The following IDO2 variants were observed in gnomAD, a reference collection of about 807,000 sequenced individuals.
IDO2 encodes indoleamine 2,3-dioxygenase-like 1 protein.
A neutral mutation model predicts 45.1 loss-of-function variants in IDO2; 46 were observed. The ratio of observed to expected loss-of-function variants is 1.02; its 90% CI spans 0.80 to 1.30. The LOEUF is 1.30. Ranked by LOEUF, IDO2 falls within the 50% of genes most tolerant of loss-of-function variation. The pLI is 0.00. For synonymous variants in IDO2, 218 were observed against 184.9 expected (o/e 1.18, Z -1.45); for missense variants, 544 against 491.8 (o/e 1.11, Z -1.00).
chr8:39,985,729 G>T (rs1808412860), intron 6 of IDO2: 6 of 521,084 alleles, frequency 1.2e-5, no homozygotes, highest in Non-Finnish European at 1.4e-5. Context: ...ATAGATAAGG[G>T]ATTTTTTTTT....
chr8:40,011,396 G>A (rs928203183), intron 9 of IDO2, among the ~76,000 whole-genome samples: 9 of 152,128 alleles, frequency 5.9e-5, no homozygotes, highest in South Asian at 2.1e-4. Context: ...AGAAAGACCC[G>A]AACATGTGTG....
At position 39,966,456 on chromosome 8, in the gene IDO2, G is replaced by A. The variant is rs576101954; in HGVS notation, c.195+2753G>A. Among the ~76,000 whole-genome samples, 4 of 152,336 alleles carry A rather than the reference G, an allele frequency of 2.6e-5. No homozygotes were observed. In the East Asian group the frequency reaches 7.7e-4, roughly 29 times the overall value. On this transcript the variant is annotated intron_variant, in intron 3 of 10. Transcript: ENST00000502986. ...GCAAACACAATAGTTTCGAGAGACT[G>A]AATCAGTTAGCAATTTCCTGTGAGA...
chr8:39,980,099 G>A (rs1404955229), intron 4 of IDO2, among the ~76,000 whole-genome samples: 2 of 152,154 alleles, frequency 1.3e-5, no homozygotes, highest in African/African-American at 4.8e-5. Flanking sequence ...GGGATTACAG[G>A]CGTGAGCCAC....
At chr8:39,952,619 G>A (rs1027569924) in intron 2 of IDO2, among the ~76,000 whole-genome samples, 4 of 152,106 alleles carry the variant, frequency 2.6e-5, no homozygotes, top group South Asian at 2.1e-4. Flanking sequence ...TGTGCCCTAC[G>A]TGTGTAGAGG....
At chr8:39,960,101 A>G (rs1401172730) in intron 2 of IDO2, among the ~76,000 whole-genome samples, 1 of 152,112 alleles carries the variant, frequency 6.6e-6, no homozygotes, top group African/African-American at 2.4e-5. Flanking sequence ...CAAGTGAATT[A>G]TGGGTAATGT....
chr8:39,997,450 C>T (rs1282959635), intron 8 of IDO2, among the ~76,000 whole-genome samples: 1 of 152,070 alleles, frequency 6.6e-6, no homozygotes, highest in South Asian at 2.1e-4. Context: ...AAGGCAGGAT[C>T]GCTTGAGCCC....
Position 39,946,895 on chromosome 8 carries a change from C to T in IDO2, c.-17-2254C>T, listed in dbSNP as rs561606169. On this transcript the variant is annotated intron_variant, in intron 1 of 10. Transcript: ENST00000502986. ...AGGGTTGAGGCTGGGAGAGGTGGCTCATGCCTGTAATCCCAGCACTTTGGG... is the reference window on the plus strand; with the variant it reads ...AGGGTTGAGGCTGGGAGAGGTGGCTTATGCCTGTAATCCCAGCACTTTGGG... 9.2e-4 allele frequency among the ~76,000 whole-genome samples: 140 copies of T among 152,074 alleles called. 1 individual carries two copies. Among genetic ancestry groups the T allele is most frequent in the Admixed American group, 3.9e-3 (59 of 15,272 alleles).
chr8:39,938,322 G>T (rs1807589235), intron 1 of IDO2, among the ~76,000 whole-genome samples: 1 of 151,674 alleles, frequency 6.6e-6, no homozygotes, highest in African/African-American at 2.4e-5. Flanking sequence ...ATTTTGTGAG[G>T]AAAACTATAT....
intron 5 of IDO2, among the ~76,000 whole-genome samples, chr8:39,984,708 A>C (rs1302515243): frequency 6.6e-6 from 1 of 152,216 alleles, no homozygotes; most frequent in Non-Finnish European, 1.5e-5. Flanking sequence ...TTAAATAACA[A>C]GACACTACAT....
At chr8:39,952,883 C>T (rs1807832698) in intron 2 of IDO2, among the ~76,000 whole-genome samples, 1 of 152,056 alleles carries the variant, frequency 6.6e-6, no homozygotes, top group African/African-American at 2.4e-5. Flanking sequence ...ATTCTCCTGC[C>T]TCAGCCTCCT....
chr8:39,935,148 C>G, exon 1 of IDO2: 1 of 1,590,526 alleles, frequency 6.3e-7, no homozygotes, highest in Non-Finnish European at 8.6e-7. Context: ...GAATGAAAAC[C>G]TTCTTAGGAA....
chr8:39,973,736 C>T (rs12679737), intron 3 of IDO2, among the ~76,000 whole-genome samples: 69,846 of 136,762 alleles, frequency 0.51, 17,381 homozygotes, highest in Middle Eastern at 0.58. Flanking sequence ...TCTTGTGTTT[C>T]GTTTTCTTCT....
chr8:39,972,493 C>T (rs939037979), intron 3 of IDO2, among the ~76,000 whole-genome samples: 3 of 150,604 alleles, frequency 2.0e-5, no homozygotes, highest in Admixed American at 6.7e-5. Flanking sequence ...TCCTGTGATC[C>T]CAGCTACTTG....
intron 1 of IDO2, among the ~76,000 whole-genome samples, chr8:39,945,180 TGG>T (rs1807711651): frequency 6.6e-6 from 1 of 152,276 alleles, no homozygotes; most frequent in African/African-American, 2.4e-5. Context: ...GCATTGCCTC[TGG>T]CTGGAAGCCA....
At chr8:39,942,774 C>A (rs181034343) in intron 1 of IDO2, among the ~76,000 whole-genome samples, 14 of 152,200 alleles carry the variant, frequency 9.2e-5, no homozygotes, top group African/African-American at 2.7e-4. Context: ...TTGGGTGATT[C>A]GTGTTTAATG....
chr8:39,969,875 C>A (rs1808153484), intron 3 of IDO2, among the ~76,000 whole-genome samples: 4 of 140,752 alleles, frequency 2.8e-5, no homozygotes, highest in African/African-American at 5.3e-5. Flanking sequence ...AACTCCTTCT[C>A]AAAAAAAAAA....
At chr8:40,000,705 A>C (rs755359660) in intron 8 of IDO2, among the ~76,000 whole-genome samples, 1 of 152,196 alleles carries the variant, frequency 6.6e-6, no homozygotes, top group South Asian at 2.1e-4. Flanking sequence ...CTACAAGTTT[A>C]CATATTTCAG....
intron 9 of IDO2, 75 bp from the exon 10 acceptor site, chr8:40,013,490 C>G (rs1802338474): frequency 4.3e-6 from 6 of 1,380,140 alleles, no homozygotes; most frequent in Admixed American, 2.1e-5. Context: ...CTCATTCACT[C>G]TCAGTTTCCA....
At chr8:39,960,089 T>G (rs1000103688) in intron 2 of IDO2, among the ~76,000 whole-genome samples, 12 of 152,180 alleles carry the variant, frequency 7.9e-5, no homozygotes, top group African/African-American at 2.4e-4. Flanking sequence ...ACTGAAGACT[T>G]CCAAGTGAAT....
Sources: allele counts gnomAD v4.1 joint callset (sites outside exome capture counted in the v4.1 genomes callset), GRCh38; gene constraint gnomAD v4.1.1; transcripts MANE v1.5; gene names NCBI Gene and HGNC (gene_info 2026-07-23, HGNC 2026-07-21).